Variants in CPPED1 observed in about 807,000 individuals in gnomAD.
CPPED1 encodes the protein serine/threonine-protein phosphatase CPPED1.
A neutral mutation model predicts 28.0 loss-of-function variants in CPPED1; 28 were observed. That is an observed-to-expected ratio of 1.00 (90% CI 0.74 to 1.37). The LOEUF (loss-of-function observed/expected upper bound fraction) is 1.37, where lower values mean the gene tolerates loss of function less well. CPPED1 is among the 40% of genes most tolerant of loss of function. CPPED1 has a pLI of 0.00. For missense variants in CPPED1, 504 were observed against 416.5 expected, an observed-to-expected ratio of 1.21 and a Z score of -1.83; for synonymous variants, 198 against 180.2, an observed-to-expected ratio of 1.10 and a Z score of -0.79.
chr16:12,768,518 A>G (rs565786263), intron 2 of CPPED1, among the ~76,000 whole-genome samples: 1 of 152,310 alleles, frequency 6.6e-6, no homozygotes, highest in South Asian at 2.1e-4. Context: ...CATTGAGTTT[A>G]TATTTTGGTC....
chr16:12,678,713 C>A (rs1399053620), intron 3 of CPPED1, among the ~76,000 whole-genome samples: 1 of 152,022 alleles, frequency 6.6e-6, no homozygotes, highest in Non-Finnish European at 1.5e-5. Context: ...TATAAAAATA[C>A]AATTATTTTT....
chr16:12,709,560 C>T lies in CPPED1; in HGVS notation c.290-4511G>A, dbSNP rs1402857961. Among the ~76,000 whole-genome samples the T allele has an allele frequency of 6.6e-6, 1 of 152,178 alleles. No homozygotes were observed. The highest frequency in any genetic ancestry group is 1.5e-5 in the Non-Finnish European group (1 of 68,030). ...ATAATTACAAAATTCTTATTTGTAT[C>T]AGTGGTACTGTGAGAGGTATGATTT... is the stretch of plus-strand genomic sequence containing the variant. On this transcript the variant is annotated intron_variant, in intron 2 of 3. Transcript: ENST00000381774. This position sits in a 1 kb window ranked among gnomAD's most constrained non-coding sequence, Gnocchi z 4.4.
At chr16:12,722,044 G>A (rs1277919950) in intron 2 of CPPED1, among the ~76,000 whole-genome samples, 1 of 152,126 alleles carries the variant, frequency 6.6e-6, no homozygotes, top group East Asian at 1.9e-4. Context: ...AAGAAAAGAT[G>A]CTGCTTAGTT....
rs1288373531 is a variant in CPPED1, at chr16:12,661,197, A to C, written c.*3689T>G. On this transcript the variant is annotated 3_prime_UTR_variant, in exon 4 of 4. Transcript: ENST00000381774. ...GCATTGGAATACAGACTGTAATATT[A>C]AACTACTATGTGTATATTGTTTCTA... is the stretch of plus-strand genomic sequence containing the variant. 9 of 152,238 alleles carry C rather than the reference A, an allele frequency of 5.9e-5. No individual in the cohort carries two copies. The highest frequency in any genetic ancestry group is 2.0e-4 in the Admixed American group (3 of 15,280). The allele number at this position is 152,238 out of a possible 1,614,324, so 9.4% of individuals were successfully genotyped here.
rs562202457 is a variant in CPPED1 at position 12,734,622 on chromosome 16, G to A, written c.290-29573C>T. On this transcript the variant is annotated intron_variant, in intron 2 of 3. Transcript: ENST00000381774. ...TCTTGATCTCCTGACCTCATGATCC[G>A]CCCACGTCGGCCTCCCAAAGTGCTG... is the stretch of plus-strand genomic sequence containing the variant. Among the ~76,000 whole-genome samples, 74 of 152,182 alleles carry A rather than the reference G, an allele frequency of 4.9e-4. 2 individuals carry two copies. In the South Asian group the frequency reaches 0.012, roughly 25 times the overall value.
intron 2 of CPPED1, among the ~76,000 whole-genome samples, chr16:12,711,794 C>T (rs1037500877): frequency 6.6e-6 from 1 of 152,062 alleles, no homozygotes; most frequent in Non-Finnish European, 1.5e-5. Context: ...GTCTTCTAGA[C>T]CCTAAAATGA....
intron 3 of CPPED1, 52 bp downstream of exon 3, chr16:12,704,572 C>G: frequency 2.0e-6 from 3 of 1,521,738 alleles, no homozygotes; most frequent in Non-Finnish European, 2.7e-6. Flanking sequence ...TCTGGAAATG[C>G]CCTCTCTAGA....
rs71142517 is a variant in CPPED1, at chr16:12,734,058, G to GTTTTTTTTTTT, written c.290-29020_290-29010dup. On this transcript the variant is annotated intron_variant, in intron 2 of 3. Coordinates refer to ENST00000381774, the MANE Select transcript of CPPED1 (RefSeq NM_018340.3). ...CTTTGTCTCTGTTTTCAAATTACAC[G>GTTTTTTTTTTT]TTTTTTTTTTTTTTTTTTTTTTTTT... Among the ~76,000 whole-genome samples the GTTTTTTTTTTT allele has an allele frequency of 5.1e-4, 33 of 64,428 alleles. 6 individuals are homozygous for GTTTTTTTTTTT. The highest frequency in any genetic ancestry group is 2.4e-3 in the African/African-American group (28 of 11,726). The allele number at this position is 64,428 out of a possible 152,430, so 42.3% of individuals were successfully genotyped here.
intron 2 of CPPED1, chr16:12,757,637 G>A (rs990349460): frequency 7.2e-6 from 1 of 138,142 alleles, no homozygotes; most frequent in African/African-American, 2.7e-5. Context: ...GCACACTGGG[G>A]GCCTTAGCAG....
chr16:12,719,950 A>T (rs192551893), intron 2 of CPPED1, among the ~76,000 whole-genome samples: 41 of 152,202 alleles, frequency 2.7e-4, no homozygotes, highest in Middle Eastern at 3.4e-3. Context: ...AAAAAAAAAA[A>T]TTTAAACACC....
intron 1 of CPPED1, among the ~76,000 whole-genome samples, chr16:12,784,185 C>G (rs1290963885): frequency 3.3e-5 from 5 of 152,154 alleles, no homozygotes; most frequent in Admixed American, 1.3e-4. Context: ...TGTGAATATC[C>G]CTACAGAGAG....
intron 3 of CPPED1, among the ~76,000 whole-genome samples, chr16:12,666,566 G>T (rs1447008367): frequency 6.6e-6 from 1 of 152,046 alleles, no homozygotes; most frequent in Non-Finnish European, 1.5e-5. Context: ...CAATTTCCAT[G>T]GTGTAAATAC....
intron 2 of CPPED1, among the ~76,000 whole-genome samples, chr16:12,756,899 G>A (rs1161481890): frequency 1.3e-5 from 2 of 151,752 alleles, no homozygotes; most frequent in South Asian, 2.1e-4. Context: ...CCCCTAGAGA[G>A]TATTAAACAT....
chr16:12,726,200 C>A (rs920766534), intron 2 of CPPED1, among the ~76,000 whole-genome samples: 9 of 151,970 alleles, frequency 5.9e-5, no homozygotes, highest in Non-Finnish European at 1.2e-4. Flanking sequence ...CGTCACCATG[C>A]CCAGATAATT....
At chr16:12,731,221 T>G (rs2080195487) in intron 2 of CPPED1, among the ~76,000 whole-genome samples, 1 of 150,112 alleles carries the variant, frequency 6.7e-6, no homozygotes, top group Non-Finnish European at 1.5e-5. Flanking sequence ...TGGCGCGATC[T>G]CGGCTCACTG....
chr16:12,766,674 C>T (rs2080441561), intron 2 of CPPED1, among the ~76,000 whole-genome samples: 1 of 152,100 alleles, frequency 6.6e-6, no homozygotes, highest in Admixed American at 6.5e-5. Context: ...GAGACTGAGG[C>T]AGGAGAATTG....
intron 1 of CPPED1, among the ~76,000 whole-genome samples, chr16:12,800,266 C>T (rs985407199): frequency 2.0e-5 from 3 of 152,138 alleles, no homozygotes; most frequent in African/African-American, 7.2e-5. Context: ...TGGCGAAACC[C>T]TGTCTCTACT....
intron 3 of CPPED1, among the ~76,000 whole-genome samples, chr16:12,665,448 A>C (rs918660844): frequency 6.6e-6 from 1 of 152,198 alleles, no homozygotes; most frequent in Admixed American, 6.5e-5. Context: ...TGAAGAAAAC[A>C]GCCTGAGTCC....
intron 2 of CPPED1, among the ~76,000 whole-genome samples, chr16:12,766,294 A>G (rs200016938): frequency 0.012 from 1,647 of 135,264 alleles, 13 homozygotes; most frequent in African/African-American, 0.016. Flanking sequence ...GAGAGAGAGA[A>G]AGAGAGAGAG....
Sources: gnomAD v4.1 joint callset for allele counts (sites outside exome capture counted in the v4.1 genomes callset) on GRCh38, gnomAD v4.1.1 for gene constraint, Gnocchi (gnomAD v3.1) non-coding constraint, MANE v1.5 for transcripts, NCBI Gene and HGNC (gene_info 2026-07-23, HGNC 2026-07-21) for gene names.